The following TWSG1 variants were observed in gnomAD, a reference collection of about 807,000 sequenced individuals.
TWSG1 encodes twisted gastrulation BMP signaling modulator 1.
Under a neutral mutation model 23.0 loss-of-function variants are expected in TWSG1, and 15 were observed. The observed-to-expected ratio is 0.65, with a 90% confidence interval of 0.44 to 1.00. The LOEUF is 1.00. Among genes scored for constraint, TWSG1 ranks in the 50% least tolerant of loss-of-function variants. TWSG1 has a pLI of 0.00. For missense variants in TWSG1, 242 were observed against 278.7 expected, an observed-to-expected ratio of 0.87 and a Z score of 0.94; for synonymous variants, 86 against 92.8, an observed-to-expected ratio of 0.93 and a Z score of 0.42.
chr18:9,351,672 T>C (rs1203752289), intron 2 of TWSG1, among the ~76,000 whole-genome samples: 2 of 149,034 alleles, frequency 1.3e-5, no homozygotes, highest in African/African-American at 5.0e-5. Flanking sequence ...TGAGACAGAG[T>C]CTCGCTTTGT....
At chr18:9,352,646 G>C (rs1183144424) in intron 2 of TWSG1, among the ~76,000 whole-genome samples, 2 of 152,066 alleles carry the variant, frequency 1.3e-5, no homozygotes, top group Non-Finnish European at 2.9e-5. Flanking sequence ...ATATAATGTT[G>C]TTTTCAATGA....
At chr18:9,351,052 G>C (rs2040499789) in intron 2 of TWSG1, among the ~76,000 whole-genome samples, 1 of 152,014 alleles carries the variant, frequency 6.6e-6, no homozygotes, top group Non-Finnish European at 1.5e-5. Flanking sequence ...TACTTAATTA[G>C]ATTTATTCCT....
Position 9,379,525 on chromosome 18 carries a change from G to C in TWSG1, c.224-16755G>C, listed in dbSNP as rs567981099. Reference sequence around the variant, plus strand: ...TGAGGCCTACTTGAGGGTGGAGGACGGGAGGAGGGAGAGGTTCAGAAAAAA... The same window carrying C: ...TGAGGCCTACTTGAGGGTGGAGGACCGGAGGAGGGAGAGGTTCAGAAAAAA... On this transcript the variant is annotated intron_variant, in intron 3 of 4. Coordinates refer to ENST00000262120, the MANE Select transcript of TWSG1 (RefSeq NM_020648.6). Among the ~76,000 whole-genome samples, 14 of 152,190 alleles carry C rather than the reference G, an allele frequency of 9.2e-5. No homozygotes were observed. The South Asian group carries it at 1.9e-3, about 20-fold the overall frequency.
At chr18:9,365,765 C>T (rs1457141998) in intron 3 of TWSG1, among the ~76,000 whole-genome samples, 2 of 152,050 alleles carry the variant, frequency 1.3e-5, no homozygotes, top group African/African-American at 2.4e-5. Context: ...CTTTGGGAGG[C>T]CTAAGTGGGA....
chr18:9,399,741 T>C lies in TWSG1; in HGVS notation c.*214T>C, dbSNP rs944277511. 9.4e-6 allele frequency: 4 copies of C among 426,324 alleles called. No individual in the cohort carries two copies. The highest frequency in any genetic ancestry group is 8.2e-5 in the African/African-American group (4 of 48,690). The allele number at this position is 426,324 out of a possible 1,614,324, so 26.4% of individuals were successfully genotyped here. A position where few individuals can be genotyped will look rare whatever the true frequency, so the allele number is the denominator to read the frequency against. The stretch of plus-strand genomic sequence containing the variant: ...TATTGCCCCCTAGCAATAAGCCCTT[T>C]CCTTTGAATACATGTACAACTTTGG... On this transcript the variant is annotated 3_prime_UTR_variant, in exon 5 of 5. Coordinates refer to ENST00000262120, the MANE Select transcript of TWSG1 (RefSeq NM_020648.6).
intron 3 of TWSG1, among the ~76,000 whole-genome samples, chr18:9,391,974 A>G (rs1411542965): frequency 1.3e-5 from 2 of 152,246 alleles, no homozygotes; most frequent in African/African-American, 4.8e-5. Flanking sequence ...AAACCATGCT[A>G]TAAACAAATG....
At chr18:9,389,741 A>T (rs1356982612) in intron 3 of TWSG1, among the ~76,000 whole-genome samples, 1 of 152,236 alleles carries the variant, frequency 6.6e-6, no homozygotes, top group East Asian at 1.9e-4. Flanking sequence ...TAAACTTTTA[A>T]TCTGAGGAAG....
chr18:9,382,046 T>C (rs1034829805), intron 3 of TWSG1, among the ~76,000 whole-genome samples: 1 of 152,080 alleles, frequency 6.6e-6, no homozygotes, highest in Non-Finnish European at 1.5e-5. Flanking sequence ...ACTATACTTA[T>C]TTACATCAAA....
At chr18:9,338,658 G>A (rs1374547059) in intron 2 of TWSG1, among the ~76,000 whole-genome samples, 7 of 152,112 alleles carry the variant, frequency 4.6e-5, no homozygotes, top group Admixed American at 3.3e-4. Context: ...TCTTAATAAG[G>A]CACGCCTGCT....
chr18:9,362,232 G>A (rs1053091298), intron 3 of TWSG1, among the ~76,000 whole-genome samples: 5 of 151,994 alleles, frequency 3.3e-5, no homozygotes, highest in African/African-American at 4.8e-5. Context: ...TTTTGAGACA[G>A]GGTCTTGCTA....
At chr18:9,346,679 G>T (rs1032893375) in intron 2 of TWSG1, among the ~76,000 whole-genome samples, 2 of 152,144 alleles carry the variant, frequency 1.3e-5, no homozygotes. Flanking sequence ...TAGGAGGATG[G>T]CTGAGCCCAT....
rs1450575996 is a variant in TWSG1, at chr18:9,360,138, T to C, written c.223+67T>C. 3.9e-6 allele frequency: 5 copies of C among 1,281,470 alleles called. No individual in the cohort carries two copies. In the Admixed American group the frequency reaches 7.3e-5, roughly 19 times the overall value. The allele number at this position is 1,281,470 out of a possible 1,614,324, so 79.4% of individuals were successfully genotyped here. ...CAGAATCCTTGGCTTTAAGAGACTT[T>C]AAGGAATATAAATGTAGTTTATGTG... On this transcript the variant is annotated intron_variant, in intron 3 of 4. Transcript: ENST00000262120.
chr18:9,340,689 G>A (rs372832650), intron 2 of TWSG1, among the ~76,000 whole-genome samples: 1 of 152,210 alleles, frequency 6.6e-6, no homozygotes, highest in African/African-American at 2.4e-5. Context: ...GCATTAGCAA[G>A]GCGGCTTGAA....
chr18:9,358,879 A>G (rs1253928954), intron 2 of TWSG1, among the ~76,000 whole-genome samples: 1 of 152,146 alleles, frequency 6.6e-6, no homozygotes, highest in Non-Finnish European at 1.5e-5. Context: ...TTTCGTATAA[A>G]TATATATGGT....
At chr18:9,365,565 G>A (rs558237099) in intron 3 of TWSG1, among the ~76,000 whole-genome samples, 1 of 152,058 alleles carries the variant, frequency 6.6e-6, no homozygotes, top group South Asian at 2.1e-4. Context: ...CTACTTGGGT[G>A]GGAGCGGGGG....
At chr18:9,350,854 G>A (rs1266910059) in intron 2 of TWSG1, among the ~76,000 whole-genome samples, 3 of 152,006 alleles carry the variant, frequency 2.0e-5, no homozygotes, top group Non-Finnish European at 4.4e-5. Context: ...GAGTATTATG[G>A]CAAAACAGAT....
intron 2 of TWSG1, among the ~76,000 whole-genome samples, chr18:9,358,993 C>A (rs916403419): frequency 1.2e-4 from 19 of 152,100 alleles, no homozygotes; most frequent in Non-Finnish European, 1.2e-4. Context: ...AGGGCAGGGG[C>A]AAGTGCTAAA....
intron 2 of TWSG1, among the ~76,000 whole-genome samples, chr18:9,344,120 G>A (rs1402310876): frequency 6.6e-6 from 1 of 152,122 alleles, no homozygotes; most frequent in Non-Finnish European, 1.5e-5. Context: ...TGCCCAGGTT[G>A]GTCTTGAACT....
At chr18:9,396,721 C>A in intron 4 of TWSG1, 175 bp downstream of exon 4, 2 of 732,480 alleles carry the variant, frequency 2.7e-6, no homozygotes, top group South Asian at 2.1e-5. Flanking sequence ...GAGGCACATG[C>A]CAGAAGGATA....
Sources: gnomAD v4.1 joint callset for allele counts (sites outside exome capture counted in the v4.1 genomes callset) on GRCh38, gnomAD v4.1.1 for gene constraint, MANE v1.5 for transcripts, NCBI Gene and HGNC (gene_info 2026-07-23, HGNC 2026-07-21) for gene names.